The following COLEC12 variants were observed in gnomAD, a reference collection of about 807,000 sequenced individuals.
The protein encoded by COLEC12 is collectin subfamily member 12, also known as collectin-12.
A neutral mutation model predicts 71.1 loss-of-function variants in COLEC12; 33 were observed. That is an observed-to-expected ratio of 0.46 (90% CI 0.35 to 0.62). The LOEUF is 0.62. Among genes scored for constraint, COLEC12 ranks in the 20% least tolerant of loss-of-function variants. The pLI, the probability that COLEC12 is intolerant of heterozygous loss-of-function variation, is 0.00. For synonymous variants in COLEC12, 350 were observed against 353.0 expected (o/e 0.99, Z 0.10); for missense variants, 765 against 916.1 (o/e 0.84, Z 2.13).
chr18:458,323 TG>T (rs1296519155), intron 2 of COLEC12, among the ~76,000 whole-genome samples: 1 of 152,264 alleles, frequency 6.6e-6, no homozygotes, highest in African/African-American at 2.4e-5. Flanking sequence ...TCATTTTAAC[TG>T]CTACTGAATT....
Position 340,159 on chromosome 18 carries a change from C to T in COLEC12, c.1328-4929G>A, listed in dbSNP as rs936685871. Among the ~76,000 whole-genome samples the T allele has an allele frequency of 1.0e-4, 15 of 148,496 alleles. No individual in the cohort carries two copies. In the East Asian group the frequency reaches 2.5e-3, roughly 25 times the overall value. The stretch of plus-strand genomic sequence containing the variant: ...GAATTCAGAGTTGAGAAAACAGCAA[C>T]GCCGCATGTGGAAACACATGTGATG... On this transcript the variant is annotated intron_variant, in intron 5 of 9. Transcript: ENST00000400256.
chr18:412,122 T>C (rs1940438), intron 2 of COLEC12, among the ~76,000 whole-genome samples: 150,249 of 152,320 alleles, frequency 0.99, 74,128 homozygotes, highest in Middle Eastern at 1. Context: ...GATGAGTGAA[T>C]TCCAAACAGG....
intron 2 of COLEC12, among the ~76,000 whole-genome samples, chr18:400,791 C>T (rs1449902663): frequency 6.6e-6 from 1 of 152,202 alleles, no homozygotes; most frequent in African/African-American, 2.4e-5. Flanking sequence ...TAAAGATGCG[C>T]ATGTGTGCCA....
intron 1 of COLEC12, among the ~76,000 whole-genome samples, chr18:494,933 G>A (rs906839391): frequency 2.6e-5 from 4 of 152,136 alleles, no homozygotes; most frequent in African/African-American, 7.2e-5. Flanking sequence ...TCCAATAAGT[G>A]TATTTCATTT....
intron 1 of COLEC12, among the ~76,000 whole-genome samples, chr18:492,961 T>C (rs1424376941): frequency 6.6e-6 from 1 of 152,104 alleles, no homozygotes; most frequent in Non-Finnish European, 1.5e-5. Flanking sequence ...CCCAGCACTT[T>C]GGAGGCTGAG....
intron 2 of COLEC12, among the ~76,000 whole-genome samples, chr18:439,886 C>T (rs917930836): frequency 6.6e-6 from 1 of 152,162 alleles, no homozygotes; most frequent in African/African-American, 2.4e-5. Context: ...GAGGTATCTG[C>T]ACTCCCATGT....
intron 4 of COLEC12, among the ~76,000 whole-genome samples, 169 bp from the exon 5 acceptor site, chr18:347,510 G>A (rs1914412135): frequency 6.6e-6 from 1 of 152,158 alleles, no homozygotes; most frequent in Non-Finnish European, 1.5e-5. Context: ...TTAAAACTGG[G>A]TCCTGGGGAA....
At chr18:340,620 C>T (rs567851205) in intron 5 of COLEC12, among the ~76,000 whole-genome samples, 92 of 152,248 alleles carry the variant, frequency 6.0e-4, no homozygotes, top group Non-Finnish European at 9.9e-4. Context: ...GAAGAGAAAC[C>T]ACTTTAATTC....
chr18:425,864 T>TC (rs1916189849), intron 2 of COLEC12, among the ~76,000 whole-genome samples: 1 of 152,206 alleles, frequency 6.6e-6, no homozygotes. Context: ...CACAGCCTCC[T>TC]CTTCTTAAAG....
chr18:345,673 C>G (rs550794997), intron 5 of COLEC12, among the ~76,000 whole-genome samples: 1 of 152,180 alleles, frequency 6.6e-6, no homozygotes, highest in Non-Finnish European at 1.5e-5. Context: ...TTCAGAGGAG[C>G]TTGATTTATA....
intron 5 of COLEC12, among the ~76,000 whole-genome samples, chr18:340,650 T>C (rs1015907331): frequency 1.6e-4 from 25 of 152,264 alleles, no homozygotes; most frequent in African/African-American, 6.0e-4. Flanking sequence ...TCCAAAATCT[T>C]AGAGACTCAA....
At chr18:483,451 A>G (rs1917463198) in intron 1 of COLEC12, among the ~76,000 whole-genome samples, 2 of 152,160 alleles carry the variant, frequency 1.3e-5, no homozygotes, top group Admixed American at 1.3e-4. Context: ...TCTAACAGAA[A>G]ACAGAGAGGT....
chr18:467,046 C>A (rs1917102105), intron 2 of COLEC12, among the ~76,000 whole-genome samples: 2 of 152,216 alleles, frequency 1.3e-5, no homozygotes, highest in African/African-American at 4.8e-5. Context: ...TCAGAATACA[C>A]CCTTTCTAGG....
intron 2 of COLEC12, among the ~76,000 whole-genome samples, chr18:417,249 C>T (rs929384445): frequency 3.9e-5 from 6 of 152,086 alleles, no homozygotes; most frequent in Admixed American, 1.3e-4. Flanking sequence ...CTGTAAGCAA[C>T]TGTAACACAA....
chr18:400,400 G>A (rs899884575), intron 2 of COLEC12, among the ~76,000 whole-genome samples: 1 of 152,182 alleles, frequency 6.6e-6, no homozygotes, highest in East Asian at 1.9e-4. Flanking sequence ...GGGGAACTGA[G>A]CATAAAGGCC....
At chr18:490,266 G>T (rs1005160827) in intron 1 of COLEC12, among the ~76,000 whole-genome samples, 1 of 152,222 alleles carries the variant, frequency 6.6e-6, no homozygotes, top group Non-Finnish European at 1.5e-5. Flanking sequence ...GCCACCCCCA[G>T]TAATTCTCCA....
At chr18:398,616 G>T (rs1272402980) in intron 2 of COLEC12, among the ~76,000 whole-genome samples, 1 of 152,220 alleles carries the variant, frequency 6.6e-6, no homozygotes, top group African/African-American at 2.4e-5. Context: ...CAGTGGGCCA[G>T]TCACAGGGAA....
At chr18:441,109 G>T (rs1401246212) in intron 2 of COLEC12, among the ~76,000 whole-genome samples, 1 of 16,472 alleles carries the variant, frequency 6.1e-5, no homozygotes, top group Non-Finnish European at 2.3e-4. Context: ...TTGGCCAGGC[G>T]TGGTGGCGGG....
intron 5 of COLEC12, among the ~76,000 whole-genome samples, chr18:344,805 C>A (rs1005342631): frequency 1.3e-5 from 2 of 152,228 alleles, no homozygotes; most frequent in Non-Finnish European, 1.5e-5. Flanking sequence ...TGATTGACAT[C>A]TTGATACTAT....
Sources: gnomAD v4.1 joint callset for allele counts (sites outside exome capture counted in the v4.1 genomes callset) on GRCh38, gnomAD v4.1.1 for gene constraint, MANE v1.5 for transcripts, NCBI Gene and HGNC (gene_info 2026-07-23, HGNC 2026-07-21) for gene names.